The following BMPR1B variants were observed in gnomAD, a reference collection of about 807,000 sequenced individuals.
BMPR1B encodes bone morphogenetic protein receptor type-1B.
A neutral mutation model predicts 59.1 loss-of-function variants in BMPR1B; 12 were observed. The observed-to-expected ratio is 0.20, with a 90% CI of 0.13 to 0.33. The LOEUF (loss-of-function observed/expected upper bound fraction) is 0.33. BMPR1B is among the 10% of genes least tolerant of loss of function. The pLI, the probability that BMPR1B is intolerant of heterozygous loss-of-function variation, is 1.00. For missense variants in BMPR1B, 550 were observed against 610.9 expected (o/e 0.90, Z 1.05); for synonymous variants, 237 against 207.3 (o/e 1.14, Z -1.23).
chr4:95,122,657 G>A (rs927049414), intron 6 of BMPR1B, among the ~76,000 whole-genome samples: 9 of 152,066 alleles, frequency 5.9e-5, no homozygotes, highest in African/African-American at 1.9e-4. Flanking sequence ...CCTGAGTGTT[G>A]AAGAGGTAGT....
rs71583675 is a variant in BMPR1B, at chr4:94,980,991, T to TCA, written c.-112-15018_-112-15017dup. Among the ~76,000 whole-genome samples the TCA allele has an allele frequency of 9.1e-3, 198 of 21,780 alleles. 1 individual carries two copies. Among genetic ancestry groups the TCA allele is most frequent in the South Asian group, 0.017 (12 of 726 alleles). The allele number at this position is 21,780 out of a possible 152,430, so 14.3% of individuals were successfully genotyped here. On this transcript the variant is annotated intron_variant, in intron 2 of 12. Transcript: ENST00000515059. ...GCCTAGGTGGCAGAGCAAGACTCCA[T>TCA]CACACACACACACACACACACACAC...
At chr4:94,830,283 T>C (rs549733798) in intron 1 of BMPR1B, among the ~76,000 whole-genome samples, 1 of 152,176 alleles carries the variant, frequency 6.6e-6, no homozygotes, top group African/African-American at 2.4e-5. Context: ...GAAAAGTTAA[T>C]GTTTTAACAC....
intron 2 of BMPR1B, among the ~76,000 whole-genome samples, chr4:94,991,867 T>C (rs1157612585): frequency 6.6e-6 from 1 of 152,176 alleles, no homozygotes. Context: ...ATAGACTATA[T>C]GGTGACAAGG....
chr4:95,120,723 C>G (rs1055134601), intron 6 of BMPR1B, among the ~76,000 whole-genome samples: 5 of 147,722 alleles, frequency 3.4e-5, no homozygotes, highest in Non-Finnish European at 7.5e-5. Context: ...CTCTTTCTCT[C>G]TCTCTCTTTC....
At chr4:95,012,293 T>C (rs1314718400) in intron 3 of BMPR1B, among the ~76,000 whole-genome samples, 1 of 152,172 alleles carries the variant, frequency 6.6e-6, no homozygotes, top group African/African-American at 2.4e-5. Context: ...CAGAGTTTCA[T>C]ACAAAGGTTT....
At chr4:94,759,113 T>G (rs1206780208) in intron 1 of BMPR1B, among the ~76,000 whole-genome samples, 1 of 152,216 alleles carries the variant, frequency 6.6e-6, no homozygotes, top group Admixed American at 6.5e-5. Flanking sequence ...TCTTTAGAGC[T>G]GCACCCCTCC....
intron 1 of BMPR1B, among the ~76,000 whole-genome samples, chr4:94,857,482 ATAAT>A (rs1725805317): frequency 6.6e-6 from 1 of 152,232 alleles, no homozygotes; most frequent in Non-Finnish European, 1.5e-5. Flanking sequence ...TTTAGATGTA[ATAAT>A]TTATGGCCTT....
chr4:95,137,182 T>G (rs1049513398), intron 10 of BMPR1B, among the ~76,000 whole-genome samples: 2 of 152,226 alleles, frequency 1.3e-5, no homozygotes, highest in Non-Finnish European at 2.9e-5. Context: ...CAGTAGTCAT[T>G]CAGGAGCAGG....
chr4:94,918,657 C>CT (rs1201994692), intron 2 of BMPR1B, among the ~76,000 whole-genome samples: 2 of 151,522 alleles, frequency 1.3e-5, no homozygotes, highest in Admixed American at 1.3e-4. Context: ...GTTTTCCAGC[C>CT]TGGGCAACAG....
chr4:95,051,667 C>A (rs1358823037), intron 3 of BMPR1B: 1 of 1,531,070 alleles, frequency 6.5e-7, no homozygotes, highest in Non-Finnish European at 8.7e-7. Flanking sequence ...GAGGCTTAAA[C>A]AGGCAGGGCA....
chr4:94,830,224 A>G (rs898039036), intron 1 of BMPR1B, among the ~76,000 whole-genome samples: 11 of 152,162 alleles, frequency 7.2e-5, no homozygotes, highest in African/African-American at 2.7e-4. Context: ...AAAATTTAGA[A>G]AAAACATTAG....
chr4:95,007,052 CATTA>C (rs956991552), intron 3 of BMPR1B, among the ~76,000 whole-genome samples: 7 of 152,056 alleles, frequency 4.6e-5, no homozygotes, highest in African/African-American at 1.7e-4. Flanking sequence ...AACATTAATA[CATTA>C]ATTAATTTTA....
At chr4:94,784,192 G>A (rs1722681283) in intron 1 of BMPR1B, among the ~76,000 whole-genome samples, 1 of 152,076 alleles carries the variant, frequency 6.6e-6, no homozygotes, top group South Asian at 2.1e-4. Context: ...TCCTCATACT[G>A]CCATTCTAGA....
At chr4:94,799,640 GT>G (rs1723328965) in intron 1 of BMPR1B, among the ~76,000 whole-genome samples, 1 of 150,972 alleles carries the variant, frequency 6.6e-6, no homozygotes, top group South Asian at 2.1e-4. Context: ...TCCCTCTTTT[GT>G]TTTGAGTGCA....
intron 1 of BMPR1B, among the ~76,000 whole-genome samples, chr4:94,839,895 G>A (rs917104526): frequency 6.6e-6 from 1 of 151,472 alleles, no homozygotes; most frequent in Non-Finnish European, 1.5e-5. Context: ...GCAGTGGCTG[G>A]TACCGGTTGT....
chr4:95,034,115 T>C (rs755783490), intron 3 of BMPR1B, among the ~76,000 whole-genome samples: 5 of 152,118 alleles, frequency 3.3e-5, no homozygotes, highest in African/African-American at 4.8e-5. Flanking sequence ...GATAGGAGAA[T>C]CAGTTAGAAG....
intron 1 of BMPR1B, among the ~76,000 whole-genome samples, chr4:94,845,555 G>A (rs1463179714): frequency 6.6e-6 from 1 of 152,064 alleles, no homozygotes; most frequent in Non-Finnish European, 1.5e-5. Context: ...TGTTAGCCAG[G>A]ATGGTCTCGA....
rs201252872 is a variant in BMPR1B at position 94,989,404 on chromosome 4, C to CA, written c.-112-6628dup. On this transcript the variant is annotated intron_variant, in intron 2 of 12. Transcript: ENST00000515059. ...CTCCGTCTAAAAAAAAAAAAAAAAA[C>CA]AAAAAAAATCATTCACTACTTAGCT... Among the ~76,000 whole-genome samples, 187 of 132,330 alleles carry CA rather than the reference C, an allele frequency of 1.4e-3. 1 individual carries two copies. Among genetic ancestry groups the CA allele is most frequent in the East Asian group, 3.2e-3 (15 of 4,694 alleles). The allele number at this position is 132,330 out of a possible 152,430, so 86.8% of individuals were successfully genotyped here. A position where few individuals can be genotyped will look rare whatever the true frequency, so the allele number is the denominator to read the frequency against.
intron 1 of BMPR1B, among the ~76,000 whole-genome samples, chr4:94,865,126 C>T (rs771880873): frequency 1.1e-4 from 17 of 151,834 alleles, no homozygotes; most frequent in Non-Finnish European, 2.9e-5. Flanking sequence ...TCTCCTGCCT[C>T]AGCCTCCCGA....
Sources: gnomAD v4.1 joint callset for allele counts (sites outside exome capture counted in the v4.1 genomes callset) on GRCh38, gnomAD v4.1.1 for gene constraint, MANE v1.5 for transcripts, NCBI Gene and HGNC (gene_info 2026-07-23, HGNC 2026-07-21) for gene names.